Variants in TCF12 observed in about 807,000 individuals in gnomAD.
The protein encoded by TCF12 is transcription factor 12, also known as DNA-binding protein HTF4.
A neutral mutation model predicts 86.0 loss-of-function variants in TCF12; 45 were observed. The observed-to-expected ratio is 0.52, with a 90% CI of 0.41 to 0.67. TCF12 has a LOEUF of 0.67. Among genes scored for constraint, TCF12 ranks in the 30% least tolerant of loss-of-function variants. The pLI is 0.00. For synonymous variants in TCF12, 330 were observed against 299.6 expected (o/e 1.10, Z -1.05); for missense variants, 881 against 859.9 (o/e 1.02, Z -0.31).
At chr15:57,076,005 G>A (rs1195092791) in intron 4 of TCF12, among the ~76,000 whole-genome samples, 1 of 151,204 alleles carries the variant, frequency 6.6e-6, no homozygotes, top group East Asian at 2.0e-4. Context: ...TGGGACTACA[G>A]GCCTGTGCTA....
intron 16 of TCF12, among the ~76,000 whole-genome samples, chr15:57,256,138 G>A (rs1186240170): frequency 1.3e-5 from 2 of 152,188 alleles, no homozygotes; most frequent in East Asian, 3.8e-4. Context: ...TTCATCTCCT[G>A]TCCTTCTGAA....
chr15:57,254,874 A>AAAAAAAAG (rs1555410242), intron 16 of TCF12, among the ~76,000 whole-genome samples: 25 of 108,866 alleles, frequency 2.3e-4, no homozygotes, highest in African/African-American at 4.3e-4. Flanking sequence ...AAAAAAAAAA[A>AAAAAAAAG]AAAGAAAGAA....
intron 5 of TCF12, among the ~76,000 whole-genome samples, chr15:57,156,934 A>T (rs1263383892): frequency 3.9e-5 from 6 of 152,222 alleles, no homozygotes; most frequent in African/African-American, 1.4e-4. Context: ...GTGGAAACAG[A>T]GTCAGTGTGT....
chr15:56,951,253 C>T (rs1177763760), intron 3 of TCF12, among the ~76,000 whole-genome samples: 5 of 152,262 alleles, frequency 3.3e-5, no homozygotes, highest in Non-Finnish European at 4.4e-5. Context: ...AATAGGTCTG[C>T]AGTGCTGTCT....
At chr15:57,264,720 A>G (rs1597745147) in intron 18 of TCF12, among the ~76,000 whole-genome samples, 1 of 151,880 alleles carries the variant, frequency 6.6e-6, no homozygotes, top group African/African-American at 2.4e-5. Flanking sequence ...TAAGGTAACA[A>G]AGCCTTCTTC....
At chr15:56,986,685 T>G (rs775076779) in intron 3 of TCF12, among the ~76,000 whole-genome samples, 8 of 152,166 alleles carry the variant, frequency 5.3e-5, no homozygotes, top group Non-Finnish European at 1.0e-4. Flanking sequence ...CTTATGTATA[T>G]CCTTATATAC....
intron 8 of TCF12, among the ~76,000 whole-genome samples, chr15:57,217,899 A>G (rs1015808288): frequency 6.6e-6 from 1 of 152,088 alleles, no homozygotes; most frequent in Non-Finnish European, 1.5e-5. Context: ...GTCTCTCAGG[A>G]GGGAGGAAGT....
chr15:56,974,977 A>G (rs372154426), intron 3 of TCF12, among the ~76,000 whole-genome samples: 2 of 152,172 alleles, frequency 1.3e-5, no homozygotes, highest in African/African-American at 2.4e-5. Context: ...ATCATTAGCC[A>G]TGTGGCTCTT....
At chr15:57,251,471 T>A in intron 14 of TCF12, 48 bp downstream of exon 14, 1 of 1,583,834 alleles carries the variant, frequency 6.3e-7, no homozygotes, top group Non-Finnish European at 8.7e-7. Flanking sequence ...TAGAGTTTGT[T>A]TGTTTTTGGT....
At chr15:57,001,446 A>C (rs2141054719) in intron 3 of TCF12, 1 of 175,498 alleles carries the variant, frequency 5.7e-6, no homozygotes, top group South Asian at 2.0e-4. Flanking sequence ...AACAAAGAAA[A>C]TTAACAGCAA....
intron 5 of TCF12, among the ~76,000 whole-genome samples, chr15:57,165,132 G>GTC (rs2054783774): frequency 2.6e-5 from 2 of 75,916 alleles, no homozygotes; most frequent in Admixed American, 3.5e-4. Context: ...AGGAATGTAT[G>GTC]TCTGTGTGTG....
chr15:57,088,427 T>C (rs2048784804), intron 4 of TCF12, among the ~76,000 whole-genome samples: 1 of 152,158 alleles, frequency 6.6e-6, no homozygotes, highest in East Asian at 1.9e-4. Context: ...CTAAGCTACC[T>C]TCTACTTTTA....
intron 12 of TCF12, 106 bp from the exon 13 acceptor site, chr15:57,243,362 TGAAG>T: frequency 1.1e-6 from 1 of 876,210 alleles, no homozygotes. Flanking sequence ...TTTTTCACTC[TGAAG>T]TCTTAGGGGT....
At chr15:57,252,565 T>G (rs1410815998) in intron 15 of TCF12, 73 bp downstream of exon 15, 3 of 1,322,612 alleles carry the variant, frequency 2.3e-6, no homozygotes, top group African/African-American at 2.9e-5. Context: ...TTTAAAATCT[T>G]TAAGCTGTAC....
chr15:56,918,923 G>C lies in TCF12; in HGVS notation c.-23+17G>C, dbSNP rs1454322434. 1 of 152,610 alleles carries C rather than the reference G, an allele frequency of 6.6e-6. No individual in the cohort carries two copies. Among genetic ancestry groups the C allele is most frequent in the African/African-American group, 2.4e-5 (1 of 41,464 alleles). 9.5% of individuals were successfully genotyped at this position (152,610 alleles called of 1,614,324 possible). The stretch of plus-strand genomic sequence containing the variant: ...GGGCGGCAGGTAATTGCGGGCTAGC[G>C]AGCGGGAGTGGGGCGGCGCGGCGGG... On this transcript the variant is annotated intron_variant, in intron 1 of 20. Coordinates refer to ENST00000333725, the MANE Select transcript of TCF12 (RefSeq NM_207037.2).
chr15:57,234,215 A>G, intron 12 of TCF12, 108 bp downstream of exon 12: 1 of 845,944 alleles, frequency 1.2e-6, no homozygotes, highest in Non-Finnish European at 2.0e-6. Context: ...TAACAAGATC[A>G]ATTTCATTAC....
chr15:56,933,709 A>G (rs1361704368), intron 3 of TCF12, among the ~76,000 whole-genome samples: 1 of 152,070 alleles, frequency 6.6e-6, no homozygotes, highest in Non-Finnish European at 1.5e-5. Context: ...CTGTACAGAT[A>G]TTAGTTATTA....
chr15:57,077,124 C>T (rs529057289), intron 4 of TCF12, among the ~76,000 whole-genome samples: 1 of 152,158 alleles, frequency 6.6e-6, no homozygotes, highest in African/African-American at 2.4e-5. Context: ...ATTGTTTGAA[C>T]TATTCTACGT....
intron 19 of TCF12, chr15:57,278,732 T>TCTCCCTCCCTCCCCC (rs2061529988): frequency 2.3e-5 from 1 of 43,772 alleles, no homozygotes; most frequent in African/African-American, 1.4e-4. Flanking sequence ...CTCCCTCCCC[T>TCTCCCTCCCTCCCCC]CTCTCTCCCT....
Sources: gnomAD v4.1 joint callset for allele counts (sites outside exome capture counted in the v4.1 genomes callset) on GRCh38, gnomAD v4.1.1 for gene constraint, MANE v1.5 for transcripts, NCBI Gene and HGNC (gene_info 2026-07-23, HGNC 2026-07-21) for gene names.